NCKAP5: variants seen among roughly 807,000 people sequenced by gnomAD.
NCKAP5 encodes the protein NCK associated protein 5.
In NCKAP5, 92 loss-of-function variants were observed where a neutral mutation model predicts 167.0. The ratio of observed to expected loss-of-function variants is 0.55; its 90% CI spans 0.47 to 0.66. NCKAP5 has a LOEUF of 0.66. Ranked by LOEUF, NCKAP5 falls within the 30% of genes least tolerant of loss-of-function variation. The pLI, the probability that NCKAP5 is intolerant of heterozygous loss-of-function variation, is 0.00. For synonymous variants in NCKAP5, 891 were observed against 877.4 expected (o/e 1.02, Z -0.27); for missense variants, 2,378 against 2,315.0 (o/e 1.03, Z -0.56).
intron 7 of NCKAP5, among the ~76,000 whole-genome samples, chr2:132,964,993 A>T (rs1277804088): frequency 6.6e-6 from 1 of 152,150 alleles, no homozygotes; most frequent in Non-Finnish European, 1.5e-5. Context: ...ATTATGTAAA[A>T]ATATGTCTTA....
chr2:133,234,653 G>A (rs975665748), intron 4 of NCKAP5, among the ~76,000 whole-genome samples: 8 of 151,948 alleles, frequency 5.3e-5, no homozygotes, highest in Non-Finnish European at 8.8e-5. Context: ...CTCAGTTCTC[G>A]GCTATGGGCT....
At chr2:133,474,154 A>ATCTATCTATCTATCTATC (rs369130877) in intron 3 of NCKAP5, among the ~76,000 whole-genome samples, 1 of 135,286 alleles carries the variant, frequency 7.4e-6, no homozygotes, top group African/African-American at 3.8e-5. Flanking sequence ...CTATCTATCT[A>ATCTATCTATCTATCTATC]TACACACACA....
intron 6 of NCKAP5, among the ~76,000 whole-genome samples, chr2:133,012,029 C>T (rs768806728): frequency 2.6e-4 from 40 of 152,108 alleles, no homozygotes; most frequent in African/African-American, 3.6e-4. Flanking sequence ...ATCTCTCCAC[C>T]GGATCTTCTT....
chr2:133,349,976 G>A (rs1346776), intron 3 of NCKAP5, among the ~76,000 whole-genome samples: 4 of 151,988 alleles, frequency 2.6e-5, no homozygotes, highest in Non-Finnish European at 4.4e-5. Context: ...AGAGATTTCC[G>A]TGTACCTTTC....
At chr2:133,407,556 G>A (rs747716897) in intron 3 of NCKAP5, among the ~76,000 whole-genome samples, 9 of 152,108 alleles carry the variant, frequency 5.9e-5, no homozygotes, top group Admixed American at 1.3e-4. Context: ...GCGCTGTGCC[G>A]GCCACTTAAC....
chr2:132,934,898 G>A (rs1696723272), intron 8 of NCKAP5, among the ~76,000 whole-genome samples: 1 of 152,196 alleles, frequency 6.6e-6, no homozygotes, highest in Non-Finnish European at 1.5e-5. Flanking sequence ...AAAGTCATAG[G>A]ATTGGTCACT....
the NCKAP5 span, among the ~76,000 whole-genome samples, chr2:133,673,933 C>T: frequency 6.6e-6 from 1 of 152,166 alleles, no homozygotes; most frequent in Non-Finnish European, 1.5e-5. Context: ...TTTCATTGAT[C>T]AATTGATGGT....
intron 4 of NCKAP5, among the ~76,000 whole-genome samples, chr2:133,258,523 CT>C (rs1383179358): frequency 6.6e-6 from 1 of 152,124 alleles, no homozygotes; most frequent in Non-Finnish European, 1.5e-5. Context: ...GGGCAGATTG[CT>C]TGAGCCTAGC....
Position 133,161,619 on chromosome 2 carries a change from G to A in NCKAP5, c.208-31508C>T, listed in dbSNP as rs78979858. ...CCTAGCATTGTGATGTCAGTATTATGTGTCAGCAAGATACTTAGCCCTGCA... is the reference window on the plus strand; with the variant it reads ...CCTAGCATTGTGATGTCAGTATTATATGTCAGCAAGATACTTAGCCCTGCA... On this transcript the variant is annotated intron_variant, in intron 5 of 19. Transcript: ENST00000409261. Among the ~76,000 whole-genome samples the A allele has an allele frequency of 1.7e-4, 26 of 152,264 alleles. No individual in the cohort carries two copies. In the East Asian group the frequency reaches 4.6e-3, roughly 27 times the overall value.
At chr2:133,567,983 T>C (rs876204) in intron 1 of NCKAP5, among the ~76,000 whole-genome samples, 5,487 of 152,226 alleles carry the variant, frequency 0.036, 420 homozygotes, top group East Asian at 0.32. Flanking sequence ...ATTCAGTATC[T>C]CCTTATCATC....
intron 3 of NCKAP5, among the ~76,000 whole-genome samples, chr2:133,394,052 C>T (rs1475016019): frequency 2.6e-5 from 4 of 152,184 alleles, no homozygotes; most frequent in Non-Finnish European, 1.5e-5. Context: ...CACACAAAGA[C>T]AAATTAGACA....
intron 3 of NCKAP5, among the ~76,000 whole-genome samples, chr2:133,406,074 A>G (rs1347178487): frequency 6.6e-6 from 1 of 152,170 alleles, no homozygotes; most frequent in South Asian, 2.1e-4. Flanking sequence ...ATCTTTTCCC[A>G]TCATGTTGGG....
At chr2:133,146,287 C>T (rs2083194185) in intron 5 of NCKAP5, among the ~76,000 whole-genome samples, 1 of 151,672 alleles carries the variant, frequency 6.6e-6, no homozygotes, top group Admixed American at 6.6e-5. Context: ...AGGGAAGCAA[C>T]ATCTAGATAA....
chr2:133,060,376 C>G (rs769603389), intron 6 of NCKAP5, among the ~76,000 whole-genome samples: 7 of 152,116 alleles, frequency 4.6e-5, no homozygotes, highest in Non-Finnish European at 1.0e-4. Context: ...CCCATCATGA[C>G]ACATCTCTTC....
intron 19 of NCKAP5, among the ~76,000 whole-genome samples, chr2:132,689,223 T>C (rs1558924895): frequency 6.6e-6 from 1 of 152,078 alleles, no homozygotes; most frequent in Non-Finnish European, 1.5e-5. Flanking sequence ...CTCAAAGAAC[T>C]GGCTCCAAGA....
In NCKAP5 at chr2:133,567,955, G is replaced by A. The variant is rs181103008; in HGVS notation, c.-130+261C>T. 2.6e-5 allele frequency among the ~76,000 whole-genome samples: 4 copies of A among 152,212 alleles called. No homozygotes were observed. In the East Asian group the frequency reaches 7.7e-4, roughly 29 times the overall value. On this transcript the variant is annotated intron_variant, in intron 1 of 19. Coordinates refer to ENST00000409261, the MANE Select transcript of NCKAP5 (RefSeq NM_207363.3). Reference sequence around the variant, plus strand: ...AAACCAAACCTGACCTCCCTGCAGAGGCAAATGAGGATTAGCCATTCAGTA... The same window carrying A: ...AAACCAAACCTGACCTCCCTGCAGAAGCAAATGAGGATTAGCCATTCAGTA...
upstream of NCKAP5, among the ~76,000 whole-genome samples, chr2:133,571,394 A>G (rs1277770740): frequency 6.6e-6 from 1 of 151,654 alleles, no homozygotes; most frequent in Non-Finnish European, 1.5e-5. Flanking sequence ...CATCCTCACC[A>G]CCTCTACCTA....
chr2:132,868,812 T>G, intron 10 of NCKAP5, 124 bp downstream of exon 10: 1 of 601,534 alleles, frequency 1.7e-6, no homozygotes, highest in Non-Finnish European at 2.6e-6. Flanking sequence ...CACAAACGAT[T>G]TTCACTAAGT....
intron 11 of NCKAP5, among the ~76,000 whole-genome samples, chr2:132,828,084 T>C (rs1009382409): frequency 6.6e-6 from 1 of 152,184 alleles, no homozygotes; most frequent in African/African-American, 2.4e-5. Flanking sequence ...TCATGAAAAA[T>C]GGAGACACTT....
Sources: allele counts gnomAD v4.1 joint callset (sites outside exome capture counted in the v4.1 genomes callset), GRCh38; gene constraint gnomAD v4.1.1; transcripts MANE v1.5; gene names NCBI Gene and HGNC (gene_info 2026-07-23, HGNC 2026-07-21).